Variants in MYDGF observed in about 807,000 individuals in gnomAD.
The protein encoded by MYDGF is myeloid-derived growth factor.
In MYDGF, 29 loss-of-function variants were observed where a neutral mutation model predicts 24.2. The observed-to-expected ratio is 1.20, with a 90% CI of 0.89 to 1.63. The LOEUF is 1.63. Ranked by LOEUF, MYDGF falls within the 40% of genes most tolerant of loss-of-function variation. The probability of loss-of-function intolerance (pLI) is 0.00; values close to 1 mark genes in which losing one functional copy is unlikely to be tolerated. For missense variants in MYDGF, 245 were observed against 234.8 expected (o/e 1.04, Z -0.29); for synonymous variants, 105 against 102.5 (o/e 1.02, Z -0.15).
intron 3 of MYDGF, 149 bp downstream of exon 3, chr19:4,664,727 A>C (rs2088507099): frequency 1.2e-5 from 9 of 778,234 alleles, no homozygotes; most frequent in South Asian, 1.9e-5. Flanking sequence ...CGACCCTGCC[A>C]CCCCCCACCT....
chr19:4,659,335 C>T (rs1315832903), intron 5 of MYDGF, among the ~76,000 whole-genome samples: 2 of 152,080 alleles, frequency 1.3e-5, no homozygotes, highest in Non-Finnish European at 2.9e-5. Flanking sequence ...CTCCCAGGTT[C>T]CAGCAATTCT....
chr19:4,668,470 G>A, intron 2 of MYDGF, 125 bp downstream of exon 2: 1 of 753,686 alleles, frequency 1.3e-6, no homozygotes, highest in Non-Finnish European at 2.3e-6. Context: ...TATTGGTTTA[G>A]GAAGAGTCAT....
At position 4,664,888 on chromosome 19, in the gene MYDGF, C is replaced by T; in HGVS notation, c.275G>A (p.Cys92Tyr). 1.9e-6 allele frequency: 3 copies of T among 1,612,872 alleles called. No homozygotes were observed. The highest frequency in any genetic ancestry group is 2.5e-6 in the Non-Finnish European group (3 of 1,179,806). The change falls in exon 3 of 6, where the codon TGC becomes TAC. Residue 92 changes from cysteine (C) to tyrosine (Y), a missense_variant. By Grantham distance (194) the Cys-to-Tyr change is radical. Transcript: ENST00000262947. ...CCCCGAGTCTCACCTCCAGATGGTG[C>T]AGGTGAAGTGCTGGTGGTCTTCGCT... is the stretch of plus-strand genomic sequence containing the variant. The part of the protein sequence containing the change: ...GTSEDHQHFT[C>Y]TIWRPQGKSY...
chr19:4,668,822 T>C (rs2145190213), intron 1 of MYDGF, 177 bp from the exon 2 acceptor site: 1 of 547,682 alleles, frequency 1.8e-6, no homozygotes, highest in Non-Finnish European at 3.3e-6. Context: ...ACTGAGACAA[T>C]AGGTACGCAA....
At chr19:4,660,597 G>T in intron 4 of MYDGF, 72 bp downstream of exon 4, 1 of 1,393,920 alleles carries the variant, frequency 7.2e-7, no homozygotes, top group Non-Finnish European at 1.0e-6. Context: ...GCCCTCTTGT[G>T]GCAGGACATC....
chr19:4,658,096 A>G lies in MYDGF; in HGVS notation c.443-12T>C, dbSNP rs548713175. ...GGGCCTGTGAGCCACTGCAAGAAAG[A>G]AACACATGGTTGGGCCCTCAACATT... On this transcript the variant is annotated splice_polypyrimidine_tract_variant and intron_variant, in intron 5 of 5. Transcript: ENST00000262947. 1.7e-4 allele frequency: 267 copies of G among 1,605,556 alleles called. 1 individual carries two copies. The highest frequency in any genetic ancestry group is 2.2e-4 in the Non-Finnish European group (259 of 1,176,538).
intron 2 of MYDGF, among the ~76,000 whole-genome samples, chr19:4,665,434 G>GCCTCAAGCAATCCTCCCAC (rs1158839914): frequency 1.3e-5 from 2 of 152,126 alleles, no homozygotes; most frequent in Non-Finnish European, 2.9e-5. Flanking sequence ...CAACCTCCTG[G>GCCTCAAGCAATCCTCCCAC]CCTCAAGCAA....
At chr19:4,661,657 G>A (rs985149864) in intron 3 of MYDGF, among the ~76,000 whole-genome samples, 2 of 152,020 alleles carry the variant, frequency 1.3e-5, no homozygotes, top group Non-Finnish European at 2.9e-5. Flanking sequence ...TTCTGTGGAA[G>A]CCCTGGCTGG....
chr19:4,670,027 C>A, intron 1 of MYDGF, 134 bp downstream of exon 1: 2 of 1,052,990 alleles, frequency 1.9e-6, no homozygotes, highest in East Asian at 6.5e-5. Flanking sequence ...GCCTCCGACC[C>A]TAACAATCCG....
intron 3 of MYDGF, among the ~76,000 whole-genome samples, chr19:4,662,047 C>T (rs2088475313): frequency 1.3e-5 from 2 of 152,174 alleles, no homozygotes; most frequent in South Asian, 4.1e-4. Context: ...GGCCTATCTC[C>T]TCTCAATGAC....
intron 2 of MYDGF, among the ~76,000 whole-genome samples, chr19:4,666,887 G>A (rs889564374): frequency 1.8e-4 from 28 of 152,228 alleles, no homozygotes; most frequent in African/African-American, 6.5e-4. Context: ...CCAACATGGC[G>A]AAACCCATCT....
At position 4,659,957 on chromosome 19, in the gene MYDGF, TCA is replaced by T; in HGVS notation, c.414_415del (p.Glu139GlyfsTer3). 1 of 1,614,064 alleles carries T rather than the reference TCA, an allele frequency of 6.2e-7. No individual in the cohort carries two copies. The highest frequency in any genetic ancestry group is 8.5e-7 in the Non-Finnish European group (1 of 1,180,014). ...TGCTGTTTTGGTCACTTCAAATTCC[TCA>T]GTTTTCAGAGGGACATCACTTTCCC... is the stretch of plus-strand genomic sequence containing the variant. On this transcript the variant is annotated frameshift_variant, in exon 5 of 6. Coordinates refer to ENST00000262947, the MANE Select transcript of MYDGF (RefSeq NM_019107.4). LOFTEE classifies it high-confidence loss of function.
At chr19:4,666,311 T>C (rs374323560) in intron 2 of MYDGF, among the ~76,000 whole-genome samples, 302 of 151,632 alleles carry the variant, frequency 2.0e-3, no homozygotes, top group African/African-American at 6.8e-3. Flanking sequence ...AGTCTCGCTC[T>C]GTCACCCAGG....
chr19:4,667,524 G>C (rs558977539), intron 2 of MYDGF, among the ~76,000 whole-genome samples: 12 of 152,220 alleles, frequency 7.9e-5, no homozygotes, highest in African/African-American at 2.9e-4. Context: ...CGCCAGCCTT[G>C]GCCTCCCAAA....
chr19:4,658,644 G>A (rs1285602739), intron 5 of MYDGF, among the ~76,000 whole-genome samples: 1 of 152,152 alleles, frequency 6.6e-6, no homozygotes, highest in African/African-American at 2.4e-5. Flanking sequence ...GCGCCATGCA[G>A]CTGAATGTGG....
rs552030875 is a variant in MYDGF, at chr19:4,660,749, G to A, written c.289C>T (p.Pro97Ser). The change falls in exon 4 of 6, where the codon CCC (proline) becomes TCC (serine). Residue 97 changes from proline to serine, a missense_variant and splice_region_variant. Coordinates refer to ENST00000262947, the MANE Select transcript of MYDGF (RefSeq NM_019107.4). ...AAGTACAGATAGGACTTCCCCTGGG[G>A]CCTGCAGAGGAAGAGGGGGCGAGGG... ...HQHFTCTIWR[P>S]QGKSYLYFTQ... is the part of the protein sequence containing the mutation. 3.7e-6 allele frequency: 6 copies of A among 1,613,418 alleles called. 1 individual carries two copies. The Admixed American group carries it at 1.0e-4, about 27-fold the overall frequency.
Position 4,660,764 on chromosome 19 carries a change from G to A in MYDGF, c.288-14C>T. Reference sequence around the variant, plus strand: ...TTCCCCTGGGGCCTGCAGAGGAAGAGGGGGCGAGGGAGTCAGGCCAGGCCT... The same window carrying A: ...TTCCCCTGGGGCCTGCAGAGGAAGAAGGGGCGAGGGAGTCAGGCCAGGCCT... On this transcript the variant is annotated splice_polypyrimidine_tract_variant and intron_variant, in intron 3 of 5. Transcript: ENST00000262947. 1 of 1,611,256 alleles carries A rather than the reference G, an allele frequency of 6.2e-7. No individual in the cohort carries two copies. The highest frequency in any genetic ancestry group is 1.7e-5 in the Admixed American group (1 of 59,938).
chr19:4,657,749 GATCCT>G lies in MYDGF; in HGVS notation c.*251_*255del, dbSNP rs2145180906. On this transcript the variant is annotated 3_prime_UTR_variant, in exon 6 of 6. Coordinates refer to ENST00000262947, the MANE Select transcript of MYDGF (RefSeq NM_019107.4). ...CACCCTCTTTGTGCCCCGGATCTGC[GATCCT>G]GAGTCCAGAAGAGCTCAGCAGGAAG... The G allele has an allele frequency of 3.0e-6, 1 of 333,790 alleles. No homozygotes were observed. The highest frequency in any genetic ancestry group is 4.1e-5 in the Admixed American group (1 of 24,172). The allele number at this position is 333,790 out of a possible 1,614,324, so 20.7% of individuals were successfully genotyped here.
In MYDGF at chr19:4,657,914, G is replaced by C. The variant is rs1033729667; in HGVS notation, c.*91C>G. ...GTAGAAAACTTAAGAGTCCCTCCTAGAAAACCAGTGATGTGCTGGCCCTTT... is the reference window on the plus strand; with the variant it reads ...GTAGAAAACTTAAGAGTCCCTCCTACAAAACCAGTGATGTGCTGGCCCTTT... On this transcript the variant is annotated 3_prime_UTR_variant, in exon 6 of 6. Transcript: ENST00000262947. 2.4e-6 allele frequency: 3 copies of C among 1,225,436 alleles called. No homozygotes were observed. The highest frequency in any genetic ancestry group is 3.4e-6 in the Non-Finnish European group (3 of 884,842). The allele number at this position is 1,225,436 out of a possible 1,614,324, so 75.9% of individuals were successfully genotyped here. A position where few individuals can be genotyped will look rare whatever the true frequency, so the allele number is the denominator to read the frequency against.
Sources: gnomAD v4.1 joint callset for allele counts (sites outside exome capture counted in the v4.1 genomes callset) on GRCh38, gnomAD v4.1.1 for gene constraint, MANE v1.5 for transcripts, NCBI Gene and HGNC (gene_info 2026-07-23, HGNC 2026-07-21) for gene names.